RYR2: variants seen among roughly 807,000 people sequenced by gnomAD.
RYR2 encodes the protein cardiac muscle ryanodine receptor-calcium release channel.
A neutral mutation model predicts 601.1 loss-of-function variants in RYR2; 227 were observed. The observed-to-expected ratio is 0.38, with a 90% CI of 0.34 to 0.42. The LOEUF is 0.42. Ranked by LOEUF, RYR2 falls within the 10% of genes least tolerant of loss-of-function variation. The pLI is 1.00. For missense variants in RYR2, 4,646 were observed against 6,156.5 expected, an observed-to-expected ratio of 0.75 and a Z score of 8.21; for synonymous variants, 2,223 against 2,175.1, an observed-to-expected ratio of 1.02 and a Z score of -0.61.
At chr1:237,185,212 CTGGTCT>C (rs1374649776) in intron 1 of RYR2, among the ~76,000 whole-genome samples, 1 of 151,912 alleles carries the variant, frequency 6.6e-6, no homozygotes, top group Non-Finnish European at 1.5e-5. Flanking sequence ...GTTGCCCAGG[CTGGTCT>C]TGAACTCCTG....
chr1:237,055,733 AC>A (rs1661911266), intron 1 of RYR2, among the ~76,000 whole-genome samples: 1 of 152,224 alleles, frequency 6.6e-6, no homozygotes, highest in Admixed American at 6.5e-5. Flanking sequence ...AAGTATGTTG[AC>A]ATCCTAATCC....
chr1:237,766,323 C>T (rs1693847026), intron 84 of RYR2, among the ~76,000 whole-genome samples: 1 of 152,136 alleles, frequency 6.6e-6, no homozygotes, highest in Non-Finnish European at 1.5e-5. Context: ...CTGCTAGACT[C>T]CACTAACAGT....
At chr1:237,384,370 C>T (rs1701804311) in intron 8 of RYR2, among the ~76,000 whole-genome samples, 1 of 152,210 alleles carries the variant, frequency 6.6e-6, no homozygotes, top group African/African-American at 2.4e-5. Flanking sequence ...GTCTGTGGAC[C>T]TATCAGTCAT....
chr1:237,060,103 T>C (rs1238561335), intron 1 of RYR2, among the ~76,000 whole-genome samples: 1 of 152,190 alleles, frequency 6.6e-6, no homozygotes, highest in Non-Finnish European at 1.5e-5. Context: ...AGTCTACATT[T>C]TTCTATTTTA....
chr1:237,354,341 G>A (rs976958159), intron 3 of RYR2, among the ~76,000 whole-genome samples: 33 of 127,020 alleles, frequency 2.6e-4, no homozygotes, highest in Non-Finnish European at 7.6e-5. Flanking sequence ...ACTGATGGGA[G>A]TGTGTGTGTG....
intron 1 of RYR2, among the ~76,000 whole-genome samples, chr1:237,130,504 G>A (rs1407803660): frequency 6.6e-6 from 1 of 152,078 alleles, no homozygotes; most frequent in African/African-American, 2.4e-5. Context: ...ATGAGGTCAG[G>A]AGTTCGAGAC....
chr1:237,669,436 C>T (rs1370298050), intron 58 of RYR2, among the ~76,000 whole-genome samples: 2 of 152,038 alleles, frequency 1.3e-5, no homozygotes, highest in Non-Finnish European at 2.9e-5. Context: ...GGGCTCCTCA[C>T]TTCCCAGTAG....
intron 16 of RYR2, among the ~76,000 whole-genome samples, chr1:237,459,899 C>A (rs563811491): frequency 6.6e-6 from 1 of 152,018 alleles, no homozygotes; most frequent in Non-Finnish European, 1.5e-5. Flanking sequence ...TTAAATAGAA[C>A]GAGAAAGGAG....
chr1:237,185,588 C>T (rs1409899001), intron 1 of RYR2, among the ~76,000 whole-genome samples: 1 of 151,966 alleles, frequency 6.6e-6, no homozygotes, highest in East Asian at 1.9e-4. Context: ...AAATAACAAA[C>T]CTTTGGGTAC....
At chr1:237,641,294 C>G (rs1253857727) in intron 47 of RYR2, among the ~76,000 whole-genome samples, 1 of 152,148 alleles carries the variant, frequency 6.6e-6, no homozygotes, top group African/African-American at 2.4e-5. Flanking sequence ...CATATTTTCT[C>G]TATGCAATTT....
At chr1:237,342,744 C>A (rs531214178) in intron 3 of RYR2, among the ~76,000 whole-genome samples, 3 of 152,108 alleles carry the variant, frequency 2.0e-5, no homozygotes, top group African/African-American at 4.8e-5. Flanking sequence ...TTTGCTGGAA[C>A]CAGAAACCTT....
At chr1:237,198,002 CA>C (rs1486402920) in intron 1 of RYR2, among the ~76,000 whole-genome samples, 3 of 152,146 alleles carry the variant, frequency 2.0e-5, no homozygotes, top group African/African-American at 7.2e-5. Context: ...GGAACAGGAA[CA>C]GGTCTGATAC....
At chr1:237,779,723 A>T (rs1694948554) in intron 88 of RYR2, among the ~76,000 whole-genome samples, 1 of 152,242 alleles carries the variant, frequency 6.6e-6, no homozygotes, top group Admixed American at 6.5e-5. Flanking sequence ...AGATAAACAA[A>T]GCTGGATACT....
intron 1 of RYR2, among the ~76,000 whole-genome samples, chr1:237,144,395 A>G (rs931751436): frequency 6.6e-6 from 1 of 152,150 alleles, no homozygotes; most frequent in Non-Finnish European, 1.5e-5. Flanking sequence ...TAGTTTTGCA[A>G]CTTGGAGCCT....
chr1:237,564,262 G>A (rs1930311), intron 27 of RYR2, among the ~76,000 whole-genome samples: 1 of 151,756 alleles, frequency 6.6e-6, no homozygotes, highest in Non-Finnish European at 1.5e-5. Flanking sequence ...CACTGAGAAC[G>A]AGTTTCTTTC....
chr1:237,803,584 G>A (rs968258590), intron 98 of RYR2, among the ~76,000 whole-genome samples: 2 of 152,156 alleles, frequency 1.3e-5, no homozygotes, highest in Non-Finnish European at 2.9e-5. Context: ...ACAAGCGTGA[G>A]CCACCACGCC....
rs79783000 is a variant in RYR2 at position 237,696,581 on chromosome 1, A to G, written c.9068-2384A>G. 3.4e-3 allele frequency among the ~76,000 whole-genome samples: 482 copies of G among 141,616 alleles called. 2 individuals carry two copies. The highest frequency in any genetic ancestry group is 0.012 in the African/African-American group (461 of 37,664). 92.9% of individuals were successfully genotyped at this position (141,616 alleles called of 152,430 possible). On this transcript the variant is annotated intron_variant, in intron 63 of 104. Transcript: ENST00000366574. Reference sequence around the variant, plus strand: ...AATCAATTGCCTATTCTACATCTTTACCCGAATTACTAATAGGCCCATCAC... The same window carrying G: ...AATCAATTGCCTATTCTACATCTTTGCCCGAATTACTAATAGGCCCATCAC...
intron 29 of RYR2, among the ~76,000 whole-genome samples, chr1:237,573,154 G>A (rs1672869497): frequency 6.6e-6 from 1 of 151,834 alleles, no homozygotes; most frequent in African/African-American, 2.4e-5. Context: ...AGAAAGCTCA[G>A]TCATTTATAC....
intron 3 of RYR2, among the ~76,000 whole-genome samples, chr1:237,334,440 AAT>A (rs58982184): frequency 0.051 from 7,394 of 145,986 alleles, 539 homozygotes; most frequent in African/African-American, 0.16. Flanking sequence ...GTTTAATTAA[AAT>A]ATATATATAT....
Sources: gnomAD v4.1 joint callset for allele counts (sites outside exome capture counted in the v4.1 genomes callset) on GRCh38, gnomAD v4.1.1 for gene constraint, MANE v1.5 for transcripts, NCBI Gene and HGNC (gene_info 2026-07-23, HGNC 2026-07-21) for gene names.